AKAP19: variants seen among roughly 807,000 people sequenced by gnomAD.
AKAP19 encodes A-kinase anchoring protein 19, also known as small A-kinase anchoring protein.
the AKAP19 span, among the ~76,000 whole-genome samples, chr2:190,016,338 G>T: frequency 6.6e-6 from 1 of 152,182 alleles, no homozygotes; most frequent in Non-Finnish European, 1.5e-5. Context: ...TGTCTTACAT[G>T]GCAGCAGGTG....
the AKAP19 span, among the ~76,000 whole-genome samples, chr2:189,986,355 AG>A: frequency 9.0e-6 from 1 of 110,616 alleles, no homozygotes; most frequent in African/African-American, 3.4e-5. Flanking sequence ...GCAGCCTGTA[AG>A]GGATGGGGGA....
the AKAP19 span, among the ~76,000 whole-genome samples, chr2:189,970,630 C>T: frequency 2.0e-5 from 3 of 152,148 alleles, no homozygotes. Flanking sequence ...CTGTTGATAG[C>T]AATTTAGCTT....
the AKAP19 span, among the ~76,000 whole-genome samples, chr2:189,993,918 T>C: frequency 6.6e-6 from 1 of 152,040 alleles, no homozygotes; most frequent in East Asian, 1.9e-4. Flanking sequence ...ATCTTGTTAA[T>C]GGTCTATCAA....
chr2:190,108,752 C>T, the AKAP19 span, among the ~76,000 whole-genome samples: 1 of 147,006 alleles, frequency 6.8e-6, no homozygotes, highest in Non-Finnish European at 1.5e-5. Flanking sequence ...AGTGATAGAG[C>T]TGGTGGTAGA....
At chr2:189,975,770 C>T in the AKAP19 span, among the ~76,000 whole-genome samples, 9 of 152,102 alleles carry the variant, frequency 5.9e-5, no homozygotes, top group Non-Finnish European at 1.0e-4. Flanking sequence ...TCCAGTTGAT[C>T]GAATCGGCTA....
the AKAP19 span, among the ~76,000 whole-genome samples, chr2:189,894,981 T>C: frequency 6.6e-6 from 1 of 151,668 alleles, no homozygotes; most frequent in Non-Finnish European, 1.5e-5. Flanking sequence ...TATTAAATAT[T>C]TAAAACTTCT....
chr2:189,983,970 G>T, the AKAP19 span, among the ~76,000 whole-genome samples: 3 of 152,154 alleles, frequency 2.0e-5, no homozygotes, highest in Non-Finnish European at 4.4e-5. Flanking sequence ...ATTTTCAAAA[G>T]GGGAGGGAGT....
At chr2:189,981,608 G>A in the AKAP19 span, among the ~76,000 whole-genome samples, 1 of 152,132 alleles carries the variant, frequency 6.6e-6, no homozygotes, top group Admixed American at 6.5e-5. Flanking sequence ...TGTGCATTTT[G>A]CACTTATGTG....
At chr2:189,958,670 T>C in the AKAP19 span, among the ~76,000 whole-genome samples, 1 of 151,222 alleles carries the variant, frequency 6.6e-6, no homozygotes, top group South Asian at 2.1e-4. Flanking sequence ...GTAGTAGCAC[T>C]GGGTAATATA....
the AKAP19 span, among the ~76,000 whole-genome samples, chr2:189,950,028 G>GTTTT: frequency 0.22 from 24,780 of 113,862 alleles, 4,611 homozygotes; most frequent in African/African-American, 0.33. Flanking sequence ...TTGGTTTTGG[G>GTTTT]TTTTTTTTTT....
chr2:190,097,197 G>A, the AKAP19 span, among the ~76,000 whole-genome samples: 172 of 152,278 alleles, frequency 1.1e-3, no homozygotes, highest in Non-Finnish European at 2.1e-3. Flanking sequence ...GCATCCATTA[G>A]TTATTCTTCC....
At chr2:190,055,434 C>A in the AKAP19 span, among the ~76,000 whole-genome samples, 1 of 151,904 alleles carries the variant, frequency 6.6e-6, no homozygotes, top group East Asian at 1.9e-4. Context: ...ACATATGTAA[C>A]AAACCTGCAC....
chr2:190,193,994 T>G, the AKAP19 span, among the ~76,000 whole-genome samples: 1 of 152,226 alleles, frequency 6.6e-6, no homozygotes, highest in Non-Finnish European at 1.5e-5. Flanking sequence ...TTTTGTTTAG[T>G]TGAAACTATA....
chr2:190,013,487 G>A, the AKAP19 span, among the ~76,000 whole-genome samples: 7,946 of 151,158 alleles, frequency 0.053, 726 homozygotes, highest in African/African-American at 0.18. Context: ...TATTTGAGTC[G>A]TCTCTCTTTG....
the AKAP19 span, among the ~76,000 whole-genome samples, chr2:190,031,966 A>G: frequency 6.6e-6 from 1 of 152,222 alleles, no homozygotes; most frequent in African/African-American, 2.4e-5. Context: ...TTCAGTGTTT[A>G]TCATTATTGA....
the AKAP19 span, among the ~76,000 whole-genome samples, chr2:189,977,658 A>C: frequency 5.3e-5 from 8 of 152,250 alleles, no homozygotes; most frequent in Admixed American, 4.6e-4. Context: ...AATGATATTT[A>C]AAACTATAAA....
chr2:190,014,017 G>T, the AKAP19 span, among the ~76,000 whole-genome samples: 1 of 151,968 alleles, frequency 6.6e-6, no homozygotes, highest in Non-Finnish European at 1.5e-5. Flanking sequence ...ATAACGTTAG[G>T]TTGTTTATTT....
chr2:189,974,256 C>A, the AKAP19 span, among the ~76,000 whole-genome samples: 1 of 152,164 alleles, frequency 6.6e-6, no homozygotes, highest in African/African-American at 2.4e-5. Flanking sequence ...CATCCAGGAG[C>A]AGGTTGTTCA....
the AKAP19 span, among the ~76,000 whole-genome samples, chr2:190,082,416 A>T: frequency 6.6e-6 from 1 of 152,222 alleles, no homozygotes; most frequent in African/African-American, 2.4e-5. Context: ...TGTGAAATAA[A>T]GCTCTCCTTT....
Sources: gnomAD v4.1 joint callset for allele counts (sites outside exome capture counted in the v4.1 genomes callset) on GRCh38, gnomAD v4.1.1 for gene constraint, MANE v1.5 for transcripts, NCBI Gene and HGNC (gene_info 2026-07-23, HGNC 2026-07-21) for gene names.